The following CAMK1D variants were observed in gnomAD, a reference collection of about 807,000 sequenced individuals.
The protein encoded by CAMK1D is calcium/calmodulin dependent protein kinase ID, also known as calcium/calmodulin-dependent protein kinase type 1D.
Under a neutral mutation model 47.7 loss-of-function variants are expected in CAMK1D, and 9 were observed. The observed-to-expected ratio is 0.19, with a 90% confidence interval of 0.11 to 0.33. The LOEUF is 0.33. Ranked by LOEUF, CAMK1D falls within the 10% of genes least tolerant of loss-of-function variation. The pLI is 1.00. For synonymous variants in CAMK1D, 184 were observed against 184.9 expected (o/e 0.99, Z 0.04); for missense variants, 291 against 488.7 (o/e 0.60, Z 3.81).
chr10:12,398,781 A>G (rs576030921), intron 1 of CAMK1D, among the ~76,000 whole-genome samples: 16 of 149,294 alleles, frequency 1.1e-4, no homozygotes, highest in African/African-American at 3.9e-4. Context: ...AAATCCATAG[A>G]GTTTTTGGGG....
chr10:12,627,304 G>T (rs959262981), intron 2 of CAMK1D, among the ~76,000 whole-genome samples: 1 of 151,616 alleles, frequency 6.6e-6, no homozygotes, highest in Non-Finnish European at 1.5e-5. Context: ...CAGGATGGTC[G>T]CGATCTCCCT....
At chr10:12,643,636 C>A (rs1839728721) in intron 2 of CAMK1D, among the ~76,000 whole-genome samples, 1 of 152,086 alleles carries the variant, frequency 6.6e-6, no homozygotes, top group African/African-American at 2.4e-5. Flanking sequence ...GTAATCCCAG[C>A]AATCTGGAAG....
At chr10:12,817,686 T>C (rs1214489957) in intron 8 of CAMK1D, among the ~76,000 whole-genome samples, 1 of 152,102 alleles carries the variant, frequency 6.6e-6, no homozygotes, top group Non-Finnish European at 1.5e-5. Context: ...TAATTGTAGC[T>C]ATTGTTTTGT....
chr10:12,395,059 ATTTT>A (rs1838889901), intron 1 of CAMK1D, among the ~76,000 whole-genome samples: 1 of 134,644 alleles, frequency 7.4e-6, no homozygotes, highest in African/African-American at 2.9e-5. Flanking sequence ...TTTTTTTAAA[ATTTT>A]AATTTTTTTT....
intron 6 of CAMK1D, among the ~76,000 whole-genome samples, chr10:12,801,204 C>T (rs895844893): frequency 5.3e-5 from 8 of 152,048 alleles, no homozygotes; most frequent in African/African-American, 1.9e-4. Flanking sequence ...CTGGAACTTT[C>T]AGATGTTACA....
intron 2 of CAMK1D, among the ~76,000 whole-genome samples, chr10:12,629,503 G>A (rs762686229): frequency 6.6e-6 from 1 of 152,166 alleles, no homozygotes; most frequent in African/African-American, 2.4e-5. Flanking sequence ...CCCATGTCGA[G>A]GTTGTCAGAC....
At chr10:12,726,248 A>G (rs1834628968) in intron 3 of CAMK1D, among the ~76,000 whole-genome samples, 2 of 151,782 alleles carry the variant, frequency 1.3e-5, no homozygotes, top group Admixed American at 6.6e-5. Context: ...ACATGGTGAA[A>G]CCCTGTTTCT....
intron 1 of CAMK1D, among the ~76,000 whole-genome samples, chr10:12,521,653 C>T (rs1376876909): frequency 2.0e-5 from 3 of 152,096 alleles, no homozygotes; most frequent in African/African-American, 4.8e-5. Context: ...AATTTTCTGT[C>T]TGCTTGTTCT....
chr10:12,598,034 C>T (rs1281167790), intron 2 of CAMK1D, among the ~76,000 whole-genome samples: 6 of 152,250 alleles, frequency 3.9e-5, no homozygotes, highest in South Asian at 2.1e-4. Flanking sequence ...TGGACGATGC[C>T]GTGAAACACA....
intron 1 of CAMK1D, among the ~76,000 whole-genome samples, chr10:12,439,844 G>A (rs1832733383): frequency 6.6e-6 from 1 of 152,210 alleles, no homozygotes; most frequent in Admixed American, 6.5e-5. Flanking sequence ...AGTTCCATGT[G>A]GCTGGGGAGG....
intron 8 of CAMK1D, among the ~76,000 whole-genome samples, chr10:12,819,125 A>G (rs1055002281): frequency 6.6e-6 from 1 of 152,226 alleles, no homozygotes; most frequent in Admixed American, 6.5e-5. Flanking sequence ...CTCCTTCACC[A>G]AACATTTTGG....
At chr10:12,378,803 CT>C (rs1247969317) in intron 1 of CAMK1D, among the ~76,000 whole-genome samples, 3 of 128,934 alleles carry the variant, frequency 2.3e-5, no homozygotes, top group African/African-American at 5.5e-5. Context: ...ATTTCTTTTT[CT>C]TTTTCTTTTC....
intron 1 of CAMK1D, among the ~76,000 whole-genome samples, chr10:12,429,628 C>A (rs746439923): frequency 3.3e-5 from 5 of 152,160 alleles, no homozygotes; most frequent in Non-Finnish European, 7.3e-5. Flanking sequence ...GCGTGAGCCA[C>A]CATGCCTGGC....
chr10:12,644,883 A>C (rs144024244), intron 2 of CAMK1D, among the ~76,000 whole-genome samples: 1 of 152,344 alleles, frequency 6.6e-6, no homozygotes, highest in Non-Finnish European at 1.5e-5. Flanking sequence ...GAAAGTAGAA[A>C]TGTGTGTTCA....
chr10:12,675,551 C>G (rs997132780), intron 3 of CAMK1D, among the ~76,000 whole-genome samples: 7 of 152,208 alleles, frequency 4.6e-5, no homozygotes, highest in Non-Finnish European at 1.0e-4. Context: ...TGGCCACCAG[C>G]TTCAGAATTT....
chr10:12,544,311 G>GA (rs964245825), intron 1 of CAMK1D, among the ~76,000 whole-genome samples: 4 of 151,950 alleles, frequency 2.6e-5, no homozygotes, highest in Admixed American at 2.6e-4. Context: ...GTCACAACTT[G>GA]AAAAAAATGC....
chr10:12,661,802 C>A (rs1178806264), intron 2 of CAMK1D, among the ~76,000 whole-genome samples: 1 of 152,196 alleles, frequency 6.6e-6, no homozygotes, highest in African/African-American at 2.4e-5. Flanking sequence ...CAATGCACAG[C>A]AAAATTCTGG....
At chr10:12,729,214 G>A (rs1008637596) in intron 3 of CAMK1D, among the ~76,000 whole-genome samples, 5 of 152,170 alleles carry the variant, frequency 3.3e-5, no homozygotes, top group East Asian at 3.8e-4. Context: ...CTGAGTGCCC[G>A]TGGCTGTTCT....
intron 2 of CAMK1D, among the ~76,000 whole-genome samples, chr10:12,560,687 A>G (rs534854580): frequency 2.0e-5 from 3 of 152,130 alleles, no homozygotes; most frequent in African/African-American, 7.2e-5. Context: ...TCAGGCACCA[A>G]TACAGCTTTT....
Sources: allele counts gnomAD v4.1 joint callset (sites outside exome capture counted in the v4.1 genomes callset), GRCh38; gene constraint gnomAD v4.1.1; transcripts MANE v1.5; gene names NCBI Gene and HGNC (gene_info 2026-07-23, HGNC 2026-07-21).